The following OTOP1 variants were observed in gnomAD, a reference collection of about 807,000 sequenced individuals.
The protein encoded by OTOP1 is proton channel OTOP1.
Under a neutral mutation model 52.9 loss-of-function variants are expected in OTOP1, and 59 were observed. The ratio of observed to expected loss-of-function variants is 1.12; its 90% CI spans 0.91 to 1.39. OTOP1 has a LOEUF of 1.39. Among genes scored for constraint, OTOP1 ranks in the 40% most tolerant of loss-of-function variants. The pLI, the probability that OTOP1 is intolerant of heterozygous loss-of-function variation, is 0.00. For missense variants in OTOP1, 761 were observed against 800.9 expected (o/e 0.95, Z 0.60); for synonymous variants, 317 against 337.7 (o/e 0.94, Z 0.67).
chr4:4,206,311 G>A lies in OTOP1; in HGVS notation c.541-181C>T, dbSNP rs549272024. Among the ~76,000 whole-genome samples the A allele has an allele frequency of 2.0e-5, 3 of 152,306 alleles. No homozygotes were observed. In the South Asian group the frequency reaches 6.2e-4, roughly 32 times the overall value. ...ATGGGGACAATGATCCAGGAGTACT[G>A]TGCAGAAAAATAAAGTGAGGCCTCT... On this transcript the variant is annotated intron_variant, in intron 2 of 5. Transcript: ENST00000296358.
At chr4:4,225,960 G>T (rs1159099258) in intron 1 of OTOP1, among the ~76,000 whole-genome samples, 1 of 152,218 alleles carries the variant, frequency 6.6e-6, no homozygotes, top group Non-Finnish European at 1.5e-5. Flanking sequence ...GGGGCAGGTG[G>T]GAAAGTGGAA....
chr4:4,209,203 G>A (rs887146411), intron 2 of OTOP1, among the ~76,000 whole-genome samples: 3 of 152,130 alleles, frequency 2.0e-5, no homozygotes, highest in Non-Finnish European at 2.9e-5. Flanking sequence ...GCTTTCCCAG[G>A]CCTATTTTGC....
intron 1 of OTOP1, among the ~76,000 whole-genome samples, chr4:4,219,646 A>G (rs561387599): frequency 5.9e-5 from 9 of 151,330 alleles, no homozygotes; most frequent in East Asian, 2.0e-4. Context: ...ACAGTGAGCC[A>G]AGATCGTGCC....
At chr4:4,201,184 T>G (rs551848472) in intron 4 of OTOP1, among the ~76,000 whole-genome samples, 1 of 152,230 alleles carries the variant, frequency 6.6e-6, no homozygotes, top group African/African-American at 2.4e-5. Context: ...ATCCCAACAC[T>G]TTGGGAGGCC....
At chr4:4,222,068 A>G (rs1717312965) in intron 1 of OTOP1, among the ~76,000 whole-genome samples, 1 of 152,222 alleles carries the variant, frequency 6.6e-6, no homozygotes, top group African/African-American at 2.4e-5. Context: ...TCAATTATTT[A>G]GTAGACACGA....
At chr4:4,213,119 T>TGC in intron 1 of OTOP1, 115 bp from the exon 2 acceptor site, 3 of 1,327,210 alleles carry the variant, frequency 2.3e-6, no homozygotes, top group Non-Finnish European at 3.1e-6. Flanking sequence ...GGTCAAATGA[T>TGC]TTTTCACAAG....
intron 1 of OTOP1, among the ~76,000 whole-genome samples, chr4:4,215,635 G>T (rs866225050): frequency 5.9e-5 from 9 of 151,922 alleles, no homozygotes; most frequent in African/African-American, 1.9e-4. Context: ...ACTCCAGCCA[G>T]GGCAACAAGA....
chr4:4,210,692 A>G (rs1348402807), intron 2 of OTOP1, among the ~76,000 whole-genome samples: 1 of 152,144 alleles, frequency 6.6e-6, no homozygotes, highest in Non-Finnish European at 1.5e-5. Context: ...TTAGCTGGGC[A>G]TGGTGGCAGG....
chr4:4,201,590 G>A (rs1354148701), intron 4 of OTOP1, among the ~76,000 whole-genome samples: 1 of 151,936 alleles, frequency 6.6e-6, no homozygotes, highest in Non-Finnish European at 1.5e-5. Context: ...GTTGGGGGTG[G>A]TGACTTCGTT....
chr4:4,199,436 C>G (rs1284169914), intron 4 of OTOP1, among the ~76,000 whole-genome samples: 1 of 151,914 alleles, frequency 6.6e-6, no homozygotes, highest in African/African-American at 2.4e-5. Flanking sequence ...TGTTTTGAGA[C>G]AGAGCCTCCT....
At chr4:4,198,883 A>G (rs978671833) in intron 4 of OTOP1, among the ~76,000 whole-genome samples, 2 of 152,190 alleles carry the variant, frequency 1.3e-5, no homozygotes, top group African/African-American at 4.8e-5. Flanking sequence ...GGACAAATAA[A>G]AAAATGTAAT....
intron 3 of OTOP1, among the ~76,000 whole-genome samples, chr4:4,204,997 C>G (rs1191678773): frequency 6.6e-6 from 1 of 152,182 alleles, no homozygotes; most frequent in Non-Finnish European, 1.5e-5. Flanking sequence ...TGGTCTCAAA[C>G]TCCTGACTTC....
intron 1 of OTOP1, among the ~76,000 whole-genome samples, chr4:4,224,164 T>C (rs963434885): frequency 2.0e-5 from 3 of 151,596 alleles, no homozygotes; most frequent in Admixed American, 2.0e-4. Flanking sequence ...CTGGCCAACA[T>C]GATGAAACCC....
At chr4:4,192,777 A>G (rs1471051214) in intron 5 of OTOP1, among the ~76,000 whole-genome samples, 1 of 152,142 alleles carries the variant, frequency 6.6e-6, no homozygotes, top group African/African-American at 2.4e-5. Context: ...ATGATGAGTG[A>G]AATAACCCAG....
At chr4:4,210,253 T>C (rs925489537) in intron 2 of OTOP1, among the ~76,000 whole-genome samples, 3 of 152,162 alleles carry the variant, frequency 2.0e-5, no homozygotes, top group Admixed American at 6.5e-5. Context: ...GCTTTCCACA[T>C]TGTCGCTGTA....
chr4:4,218,715 G>C (rs1251889940), intron 1 of OTOP1, among the ~76,000 whole-genome samples: 1 of 152,108 alleles, frequency 6.6e-6, no homozygotes, highest in Non-Finnish European at 1.5e-5. Flanking sequence ...AACACTTGAG[G>C]TCAGGAGTTC....
rs190169899 is a variant in OTOP1, at chr4:4,220,400, G to A, written c.403+6062C>T. ...CCTCAAAACAGAGTATACAATGTTG[G>A]ATGTCTGTGGAATATTGACAAAAAA... On this transcript the variant is annotated intron_variant, in intron 1 of 5. Transcript: ENST00000296358. Among the ~76,000 whole-genome samples the A allele has an allele frequency of 4.1e-3, 624 of 152,152 alleles. 3 individuals carry two copies. Among genetic ancestry groups the A allele is most frequent in the African/African-American group, 0.014 (593 of 41,516 alleles).
chr4:4,203,006 A>C (rs1005571795), intron 3 of OTOP1, among the ~76,000 whole-genome samples: 21 of 152,214 alleles, frequency 1.4e-4, no homozygotes, highest in African/African-American at 5.1e-4. Flanking sequence ...GTCCACCCTT[A>C]CTGCTGATTG....
At chr4:4,193,578 G>A (rs1275211923) in intron 5 of OTOP1, among the ~76,000 whole-genome samples, 2 of 152,088 alleles carry the variant, frequency 1.3e-5, no homozygotes, top group Non-Finnish European at 2.9e-5. Flanking sequence ...GCCACCCCAT[G>A]AGCCAGCACG....
Sources: allele counts gnomAD v4.1 joint callset (sites outside exome capture counted in the v4.1 genomes callset), GRCh38; gene constraint gnomAD v4.1.1; transcripts MANE v1.5; gene names NCBI Gene and HGNC (gene_info 2026-07-23, HGNC 2026-07-21).